Variants in ESYT2 observed in about 807,000 individuals in gnomAD.
ESYT2 encodes the protein extended synaptotagmin 2, also known as extended synaptotagmin-2.
Under a neutral mutation model 107.2 loss-of-function variants are expected in ESYT2, and 54 were observed. That is an observed-to-expected ratio of 0.50 (90% CI 0.40 to 0.63). The LOEUF is 0.63. ESYT2 is among the 30% of genes least tolerant of loss of function. ESYT2 has a pLI of 0.00. For missense variants in ESYT2, 1,020 were observed against 1,094.5 expected (o/e 0.93, Z 0.96); for synonymous variants, 491 against 434.1 (o/e 1.13, Z -1.63).
At chr7:158,748,166 A>C in intron 16 of ESYT2, 28 bp downstream of exon 16, 1 of 1,600,812 alleles carries the variant, frequency 6.2e-7, no homozygotes, top group Non-Finnish European at 8.6e-7. Context: ...TTTGTCAATA[A>C]ATTGGTTAAA....
Position 158,759,406 on chromosome 7 carries a change from T to A in ESYT2, c.1419+80A>T, listed in dbSNP as rs1837883006. Reference sequence around the variant, plus strand: ...CAAGAAGAGAACAGGTGATGCAGAGTGCTGCACAAAGCAGTGGTTATAAGC... The same window carrying A: ...CAAGAAGAGAACAGGTGATGCAGAGAGCTGCACAAAGCAGTGGTTATAAGC... On this transcript the variant is annotated intron_variant, in intron 13 of 22. Transcript: ENST00000275418. 2.9e-5 allele frequency: 32 copies of A among 1,090,414 alleles called. 1 individual carries two copies. The South Asian group carries it at 4.4e-4, about 15-fold the overall frequency. 67.5% of individuals were successfully genotyped at this position (1,090,414 alleles called of 1,614,324 possible). A position where few individuals can be genotyped will look rare whatever the true frequency, so the allele number is the denominator to read the frequency against.
chr7:158,826,021 G>GAA (rs34601173), intron 1 of ESYT2, among the ~76,000 whole-genome samples: 57 of 119,994 alleles, frequency 4.8e-4, no homozygotes, highest in African/African-American at 1.4e-3. Context: ...CTCATCTCTA[G>GAA]AAAAAAAAAA....
intron 1 of ESYT2, among the ~76,000 whole-genome samples, chr7:158,821,833 C>T (rs548248562): frequency 2.0e-4 from 31 of 152,314 alleles, no homozygotes; most frequent in South Asian, 4.1e-4. Context: ...TCCACACGGC[C>T]GCTCGCGCTG....
At chr7:158,760,244 C>T in intron 11 of ESYT2, 97 bp from the exon 12 acceptor site, 1 of 1,056,210 alleles carries the variant, frequency 9.5e-7, no homozygotes, top group East Asian at 2.4e-5. Context: ...TGCTCACTAA[C>T]CACGAGGCAT....
At chr7:158,828,730 G>A (rs1174347487) in intron 1 of ESYT2, among the ~76,000 whole-genome samples, 1 of 152,102 alleles carries the variant, frequency 6.6e-6, no homozygotes, top group African/African-American at 2.4e-5. Flanking sequence ...CAGGCGGACA[G>A]GTTCGCAGGG....
intron 14 of ESYT2, among the ~76,000 whole-genome samples, chr7:158,751,205 A>C (rs975488467): frequency 6.6e-6 from 1 of 151,964 alleles, no homozygotes; most frequent in African/African-American, 2.4e-5. Flanking sequence ...TTTCGCTTCC[A>C]TTTTCTGTTT....
rs909439322 is a variant in ESYT2 at position 158,754,348 on chromosome 7, A to G, written c.1420-1505T>C. The stretch of plus-strand genomic sequence containing the variant: ...CAGCTTCCCAAAAAGCTGGGACTAC[A>G]GGCATGCACCACCACACCCGGCTAA... On this transcript the variant is annotated intron_variant, in intron 13 of 22. Transcript: ENST00000275418. 1.2e-4 allele frequency among the ~76,000 whole-genome samples: 18 copies of G among 152,002 alleles called. 1 individual carries two copies. The highest frequency in any genetic ancestry group is 1.5e-5 in the Non-Finnish European group (1 of 68,012).
intron 6 of ESYT2, among the ~76,000 whole-genome samples, chr7:158,776,914 G>A (rs1290728660): frequency 3.3e-5 from 5 of 150,620 alleles, no homozygotes; most frequent in African/African-American, 4.9e-5. Flanking sequence ...GTGCAATGGC[G>A]CCATCTTAGC....
chr7:158,736,377 C>T (rs1836950740), intron 20 of ESYT2, among the ~76,000 whole-genome samples: 1 of 152,190 alleles, frequency 6.6e-6, no homozygotes, highest in African/African-American at 2.4e-5. Flanking sequence ...ATTATCATTT[C>T]CCAAAACAAG....
chr7:158,781,170 AGT>A (rs968871200), intron 6 of ESYT2, among the ~76,000 whole-genome samples: 2 of 151,976 alleles, frequency 1.3e-5, no homozygotes, highest in Non-Finnish European at 2.9e-5. Flanking sequence ...AGGTGTGAGG[AGT>A]GTGAGAGAAC....
chr7:158,735,885 C>T (rs1287126908), intron 20 of ESYT2, among the ~76,000 whole-genome samples: 1 of 152,106 alleles, frequency 6.6e-6, no homozygotes, highest in Non-Finnish European at 1.5e-5. Context: ...AGGAGCGTCT[C>T]TCAACATGTC....
At chr7:158,789,052 G>C (rs918537538) in intron 4 of ESYT2, among the ~76,000 whole-genome samples, 9 of 152,082 alleles carry the variant, frequency 5.9e-5, no homozygotes, top group African/African-American at 1.9e-4. Flanking sequence ...CTTTTTCCAT[G>C]GGTTAGTGTA....
At chr7:158,758,277 A>G (rs1192018953) in intron 13 of ESYT2, among the ~76,000 whole-genome samples, 2 of 152,230 alleles carry the variant, frequency 1.3e-5, no homozygotes, top group Non-Finnish European at 2.9e-5. Flanking sequence ...CGGGTGCACA[A>G]GTATTTACTT....
chr7:158,818,394 G>A (rs867951143), intron 1 of ESYT2, among the ~76,000 whole-genome samples: 35 of 152,308 alleles, frequency 2.3e-4, no homozygotes, highest in African/African-American at 7.5e-4. Context: ...GAAATTTTAC[G>A]GCACACATAC....
Position 158,741,535 on chromosome 7 carries a change from C to T in ESYT2, c.2156G>A (p.Arg719Lys), listed in dbSNP as rs1837205728. The change falls in exon 18 of 23, where the codon AGG (arginine) becomes AAG (lysine). Residue 719 changes from arginine (R) to lysine (K), a missense_variant. Arg to Lys is a conservative substitution (Grantham distance 26). Coordinates refer to ENST00000275418, the MANE Select transcript of ESYT2 (RefSeq NM_001367773.1). ...GGCACTTAGTTACTTTTCCAGCTGC[C>T]TCAGCCTTTGCCGCAGCTCCTGGGT... ...IATQELRQRL[R>K]QLENGTTLGQ... is the part of the protein sequence containing the mutation. 1 of 1,586,020 alleles carries T rather than the reference C, an allele frequency of 6.3e-7. No homozygotes were observed. Among genetic ancestry groups the T allele is most frequent in the Non-Finnish European group, 8.5e-7 (1 of 1,171,890 alleles).
At chr7:158,765,622 G>A (rs549473346) in intron 8 of ESYT2, among the ~76,000 whole-genome samples, 13 of 152,042 alleles carry the variant, frequency 8.6e-5, no homozygotes, top group Non-Finnish European at 1.8e-4. Context: ...CGTAGTCCCA[G>A]TTACTCAGAA....
chr7:158,772,525 G>A (rs968538792), intron 7 of ESYT2, among the ~76,000 whole-genome samples: 3 of 152,214 alleles, frequency 2.0e-5, no homozygotes, highest in African/African-American at 7.2e-5. Flanking sequence ...CAGGTGATAT[G>A]TTTTAACTTT....
intron 6 of ESYT2, among the ~76,000 whole-genome samples, chr7:158,785,471 A>AAATCAATCAATC (rs1554419836): frequency 1.5e-5 from 2 of 137,460 alleles, no homozygotes; most frequent in East Asian, 2.0e-4. Context: ...ATAAATAAAT[A>AAATCAATCAATC]AATCACCTCC....
chr7:158,734,569 T>A (rs3763413), intron 21 of ESYT2, 98 bp from the exon 22 acceptor site: 2 of 1,092,666 alleles, frequency 1.8e-6, no homozygotes, highest in Admixed American at 2.3e-5. Flanking sequence ...TGGGAGGATC[T>A]CTTAAGCCCA....
Sources: allele counts gnomAD v4.1 joint callset (sites outside exome capture counted in the v4.1 genomes callset), GRCh38; gene constraint gnomAD v4.1.1; transcripts MANE v1.5; gene names NCBI Gene and HGNC (gene_info 2026-07-23, HGNC 2026-07-21).